ASIC2: variants seen among roughly 807,000 people sequenced by gnomAD.
ASIC2 encodes the protein acid-sensing ion channel 2.
In ASIC2, 25 loss-of-function variants were observed where a neutral mutation model predicts 57.3. That is an observed-to-expected ratio of 0.44 (90% CI 0.32 to 0.61). The LOEUF (loss-of-function observed/expected upper bound fraction) is 0.61, where lower values mean the gene tolerates loss of function less well. Ranked by LOEUF, ASIC2 falls within the 20% of genes least tolerant of loss-of-function variation. The pLI, the probability that ASIC2 is intolerant of heterozygous loss-of-function variation, is 0.06. For missense variants in ASIC2, 641 were observed against 738.1 expected (o/e 0.87, Z 1.52); for synonymous variants, 319 against 307.5 (o/e 1.04, Z -0.39).
At chr17:33,362,563 C>A (rs895924320) in intron 1 of ASIC2, among the ~76,000 whole-genome samples, 9 of 152,308 alleles carry the variant, frequency 5.9e-5, no homozygotes, top group Middle Eastern at 3.4e-3. Flanking sequence ...GGTAAGAGGG[C>A]ATTTAACTGG....
At chr17:33,852,775 C>A (rs1232889063) in intron 1 of ASIC2, among the ~76,000 whole-genome samples, 2 of 152,170 alleles carry the variant, frequency 1.3e-5, no homozygotes, top group Non-Finnish European at 2.9e-5. Flanking sequence ...AAGGGGCTCA[C>A]ATTACAAATT....
chr17:34,155,823 G>A (rs755530788), intron 1 of ASIC2: 12 of 796,590 alleles, frequency 1.5e-5, no homozygotes, highest in Admixed American at 8.8e-5. Flanking sequence ...CAACCAGCTC[G>A]CACAACTCTG....
At chr17:33,591,107 T>C (rs1337457217) in intron 1 of ASIC2, among the ~76,000 whole-genome samples, 3 of 152,224 alleles carry the variant, frequency 2.0e-5, no homozygotes, top group Non-Finnish European at 4.4e-5. Context: ...GCTCTGAGGG[T>C]GACTGCCATC....
chr17:33,490,523 T>A (rs1033877530), intron 1 of ASIC2, among the ~76,000 whole-genome samples: 1 of 152,184 alleles, frequency 6.6e-6, no homozygotes, highest in South Asian at 2.1e-4. Flanking sequence ...TGGGAGCAAG[T>A]GTTTTCCATG....
chr17:33,522,079 G>C (rs1040754928), intron 1 of ASIC2, among the ~76,000 whole-genome samples: 1 of 152,174 alleles, frequency 6.6e-6, no homozygotes, highest in African/African-American at 2.4e-5. Flanking sequence ...CATCCTGTCA[G>C]GAAGGGTCAG....
At chr17:33,687,308 G>A (rs1217252756) in intron 1 of ASIC2, among the ~76,000 whole-genome samples, 1 of 152,190 alleles carries the variant, frequency 6.6e-6, no homozygotes, top group African/African-American at 2.4e-5. Context: ...TCTGGAGGGA[G>A]AGGATCAGGT....
chr17:33,731,066 G>C (rs964155907), intron 1 of ASIC2, among the ~76,000 whole-genome samples: 3 of 152,210 alleles, frequency 2.0e-5, no homozygotes, highest in African/African-American at 7.2e-5. Context: ...GAAGTGGGCT[G>C]AGGGAGTGAA....
At chr17:34,070,443 G>C (rs1473795550) in intron 1 of ASIC2, 1 of 152,118 alleles carries the variant, frequency 6.6e-6, no homozygotes, top group Non-Finnish European at 1.5e-5. Context: ...TAGAAACTCA[G>C]AGGAGGTTAA....
chr17:33,659,729 G>A (rs923470361), intron 1 of ASIC2, among the ~76,000 whole-genome samples: 14 of 151,778 alleles, frequency 9.2e-5, no homozygotes, highest in Non-Finnish European at 8.8e-5. Context: ...AAAATTAGCC[G>A]GGCGAGGTGG....
intron 1 of ASIC2, among the ~76,000 whole-genome samples, chr17:33,874,677 A>G (rs552520775): frequency 1.7e-4 from 26 of 152,204 alleles, no homozygotes; most frequent in Non-Finnish European, 2.4e-4. Flanking sequence ...TCCTCTTTCT[A>G]TCACCGTCCT....
At chr17:33,554,793 A>T (rs939355035) in intron 1 of ASIC2, among the ~76,000 whole-genome samples, 1 of 152,152 alleles carries the variant, frequency 6.6e-6, no homozygotes, top group African/African-American at 2.4e-5. Context: ...AGCTGGGGGA[A>T]GTAAGGCTGA....
Position 33,860,646 on chromosome 17 carries a change from T to C in ASIC2, c.555+295332A>G, listed in dbSNP as rs189772247. 5.6e-3 allele frequency among the ~76,000 whole-genome samples: 851 copies of C among 152,344 alleles called. 4 individuals carry two copies. The highest frequency in any genetic ancestry group is 6.9e-3 in the Non-Finnish European group (471 of 68,022). On this transcript the variant is annotated intron_variant, in intron 1 of 9. Transcript: ENST00000359872. ...GGACCAGAATCATATGGCATAATTA[T>C]GTAGCTGAGCCTTCCAGGACTTCTC...
intron 1 of ASIC2, among the ~76,000 whole-genome samples, chr17:33,266,115 A>G (rs545970543): frequency 4.1e-4 from 63 of 152,316 alleles, no homozygotes; most frequent in African/African-American, 1.5e-3. Context: ...CTTGCCATTC[A>G]GACCCCACAA....
chr17:33,451,559 C>T (rs1430799047), intron 1 of ASIC2, among the ~76,000 whole-genome samples: 1 of 152,194 alleles, frequency 6.6e-6, no homozygotes, highest in Non-Finnish European at 1.5e-5. Flanking sequence ...TCTTCCTCTT[C>T]CCGTGACACA....
At chr17:33,517,924 G>A (rs1914624228) in intron 1 of ASIC2, among the ~76,000 whole-genome samples, 1 of 152,212 alleles carries the variant, frequency 6.6e-6, no homozygotes, top group Non-Finnish European at 1.5e-5. Flanking sequence ...CAATGTGGGT[G>A]GGAACTACAC....
At chr17:34,148,537 T>C (rs1206468106) in intron 1 of ASIC2, among the ~76,000 whole-genome samples, 3 of 152,212 alleles carry the variant, frequency 2.0e-5, no homozygotes, top group African/African-American at 4.8e-5. Context: ...TTAGGCCATT[T>C]TGACATAGAA....
At chr17:33,970,743 G>A (rs182890049) in intron 1 of ASIC2, among the ~76,000 whole-genome samples, 184 of 152,296 alleles carry the variant, frequency 1.2e-3, no homozygotes, top group African/African-American at 4.2e-3. Context: ...GTGAGCACAC[G>A]CAGAGCCAGC....
chr17:33,019,758 T>C (rs1347094770), intron 7 of ASIC2, among the ~76,000 whole-genome samples: 1 of 151,924 alleles, frequency 6.6e-6, no homozygotes, highest in Non-Finnish European at 1.5e-5. Flanking sequence ...GACGCAGACA[T>C]GACAAATTCA....
intron 2 of ASIC2, among the ~76,000 whole-genome samples, chr17:33,096,426 A>C (rs1361825805): frequency 1.3e-5 from 2 of 152,232 alleles, no homozygotes; most frequent in Non-Finnish European, 2.9e-5. Flanking sequence ...ATGTGCATGA[A>C]GCACATCTTC....
Sources: gnomAD v4.1 joint callset for allele counts (sites outside exome capture counted in the v4.1 genomes callset) on GRCh38, gnomAD v4.1.1 for gene constraint, MANE v1.5 for transcripts, NCBI Gene and HGNC (gene_info 2026-07-23, HGNC 2026-07-21) for gene names.